The following ZYX variants were observed in gnomAD, a reference collection of about 807,000 sequenced individuals.
ZYX encodes zyxin.
Under a neutral mutation model 58.1 loss-of-function variants are expected in ZYX, and 37 were observed. That is an observed-to-expected ratio of 0.64 (90% CI 0.49 to 0.84). ZYX has a LOEUF of 0.84. Among genes scored for constraint, ZYX ranks in the 40% least tolerant of loss-of-function variants. ZYX has a pLI of 0.00. For missense variants in ZYX, 762 were observed against 761.6 expected (o/e 1.00, Z -0.01); for synonymous variants, 324 against 321.1 (o/e 1.01, Z -0.10).
intron 5 of ZYX, among the ~76,000 whole-genome samples, chr7:143,385,660 CTTTT>C (rs59995035): frequency 1.1e-3 from 75 of 68,966 alleles, no homozygotes; most frequent in South Asian, 4.8e-3. Context: ...TGTGGTATAT[CTTTT>C]TTTTTTTTTT....
rs893131344 is a variant in ZYX at position 143,387,803 on chromosome 7, C to T, written c.1024-416C>T. ...GGCAGGCCGGGTAGGTGTGTGTGCGCGTGTGTGCACGCCATTGCGTGCCCC... is the reference window on the plus strand; with the variant it reads ...GGCAGGCCGGGTAGGTGTGTGTGCGTGTGTGTGCACGCCATTGCGTGCCCC... On this transcript the variant is annotated intron_variant, in intron 5 of 9. Transcript: ENST00000322764. This position sits in a 1 kb window ranked among gnomAD's most constrained non-coding sequence, Gnocchi z 5.8. 1.7e-5 allele frequency: 8 copies of T among 474,508 alleles called. No individual in the cohort carries two copies. Among genetic ancestry groups the T allele is most frequent in the Admixed American group, 2.3e-5 (1 of 42,638 alleles). The allele number at this position is 474,508 out of a possible 1,614,324, so 29.4% of individuals were successfully genotyped here.
chr7:143,382,756 G>A (rs2116560886), intron 4 of ZYX, 45 bp from the exon 5 acceptor site: 1 of 1,613,082 alleles, frequency 6.2e-7, no homozygotes, highest in Non-Finnish European at 8.5e-7. Context: ...AAGGAGGATG[G>A]TGTCCTCCTG....
At chr7:143,385,275 A>G (rs1428734473) in intron 5 of ZYX, among the ~76,000 whole-genome samples, 2 of 151,960 alleles carry the variant, frequency 1.3e-5, no homozygotes, top group Admixed American at 6.6e-5. Flanking sequence ...CTGCTGGTGT[A>G]GCCTGGTCTT....
chr7:143,386,781 T>A (rs4556013), intron 5 of ZYX, among the ~76,000 whole-genome samples: 22,230 of 151,986 alleles, frequency 0.15, 1,958 homozygotes, highest in East Asian at 0.27. Context: ...GAGAGGCAGA[T>A]AATGGCTGGC....
rs770038397 is a variant in ZYX at position 143,382,600 on chromosome 7, A to C, written c.416A>C (p.Glu139Ala). 5 of 1,613,828 alleles carry C rather than the reference A, an allele frequency of 3.1e-6. No individual in the cohort carries two copies. The highest frequency in any genetic ancestry group is 4.2e-6 in the Non-Finnish European group (5 of 1,179,950). ...APIPPPPQPR[E>A]KVSSIDLEID... is the part of the protein sequence containing the mutation. Reference sequence around the variant, plus strand: ...TGACCTCTGACCCTCTAGCCCAGGGAGAAGGTGAGCAGTATTGATTTGGAG... The same window carrying C: ...TGACCTCTGACCCTCTAGCCCAGGGCGAAGGTGAGCAGTATTGATTTGGAG... Residue 139 changes from glutamate to alanine, a missense_variant, in exon 4 of 10, where the codon GAG becomes GCG. Glu to Ala is a moderately radical substitution (Grantham distance 107, BLOSUM62 -1). Transcript: ENST00000322764.
In ZYX at chr7:143,387,043, C is replaced by T. The variant is rs2116584855; in HGVS notation, c.1024-1176C>T. ...ACTGACTGAGCCCCTTCACTGTGTC[C>T]CCAAGAGGCCAGGAAGGGAAGATTG... On this transcript the variant is annotated intron_variant, in intron 5 of 9. Transcript: ENST00000322764. This position sits in a 1 kb window ranked among gnomAD's most constrained non-coding sequence, Gnocchi z 5.8. 6.6e-6 allele frequency among the ~76,000 whole-genome samples: 1 copy of T among 152,116 alleles called. No individual in the cohort carries two copies. The highest frequency in any genetic ancestry group is 2.1e-4 in the South Asian group (1 of 4,818).
In ZYX at chr7:143,388,350, C is replaced by T. The variant is rs1450760994; in HGVS notation, c.1144+11C>T. On this transcript the variant is annotated intron_variant, in intron 6 of 9. Coordinates refer to ENST00000322764, the MANE Select transcript of ZYX (RefSeq NM_003461.5). This position sits in a 1 kb window ranked among gnomAD's most constrained non-coding sequence, Gnocchi z 7.5. ...ATGTGGCTGTCAACGGTGAGCCCAC[C>T]CCACCGGGACACCCCCACCCTGCCC... The T allele has an allele frequency of 1.2e-6, 2 of 1,613,434 alleles. No homozygotes were observed. The highest frequency in any genetic ancestry group is 2.7e-5 in the African/African-American group (2 of 74,842).
At chr7:143,386,367 C>CT in intron 5 of ZYX, among the ~76,000 whole-genome samples, 1 of 152,068 alleles carries the variant, frequency 6.6e-6, no homozygotes, top group Non-Finnish European at 1.5e-5. Flanking sequence ...CTTCCATGTC[C>CT]TCAACCATGT....
intron 2 of ZYX, 163 bp from the exon 3 acceptor site, chr7:143,382,085 T>C (rs1586560669): frequency 3.1e-6 from 2 of 651,704 alleles, no homozygotes; most frequent in East Asian, 5.7e-5. Context: ...CGGCCTTTCC[T>C]GACCTGGTAC....
At chr7:143,382,134 C>A in intron 2 of ZYX, 114 bp from the exon 3 acceptor site, 1 of 913,906 alleles carries the variant, frequency 1.1e-6, no homozygotes, top group Non-Finnish European at 1.6e-6. Context: ...CTTCCCCACA[C>A]GCTCTGGGAC....
At position 143,382,377 on chromosome 7, in the gene ZYX, T is replaced by A; in HGVS notation, c.338T>A (p.Ile113Asn). 6.3e-7 allele frequency: 1 copy of A among 1,584,746 alleles called. No individual in the cohort carries two copies. The highest frequency in any genetic ancestry group is 8.6e-7 in the Non-Finnish European group (1 of 1,165,356). The change falls in exon 3 of 10, where the codon ATC becomes AAC. Residue 113 changes from isoleucine to asparagine, a missense_variant. By Grantham distance (149) the Ile-to-Asn change is moderately radical. Transcript: ENST00000322764. ...SFPPAPLEEE[I>N]FPSPPPPPEE... is the part of the protein sequence containing the mutation. ...CCCCCTGCGCCTCTGGAGGAGGAGA[T>A]CTTCCCTTCCCCGCCGCCTCCTCCG...
In ZYX at chr7:143,381,746, C is replaced by G. The variant is rs771207464; in HGVS notation, c.175C>G (p.Arg59Gly). ...CGGGGCCCAGCGCGCACAGATGGGCCGGGTGGGCGAGATTCCCCCGCCGCC... is the reference window on the plus strand; with the variant it reads ...CGGGGCCCAGCGCGCACAGATGGGCGGGGTGGGCGAGATTCCCCCGCCGCC... The part of the protein sequence containing the change: ...APGAQRAQMG[R>G]VGEIPPPPPE... Residue 59 changes from arginine (R) to glycine (G), a missense_variant, in exon 2 of 10, where the codon CGG becomes GGG. By Grantham distance (125) the Arg-to-Gly change is moderately radical (BLOSUM62 -2). Coordinates refer to ENST00000322764, the MANE Select transcript of ZYX (RefSeq NM_003461.5). The G allele has an allele frequency of 6.9e-6, 11 of 1,588,834 alleles. No homozygotes were observed. The highest frequency in any genetic ancestry group is 9.4e-6 in the Non-Finnish European group (11 of 1,167,786).
chr7:143,387,850 G>A lies in ZYX; in HGVS notation c.1024-369G>A. The A allele has an allele frequency of 2.1e-6, 1 of 486,158 alleles. No individual in the cohort carries two copies. The highest frequency in any genetic ancestry group is 4.2e-6 in the Non-Finnish European group (1 of 238,622). 30.1% of individuals were successfully genotyped at this position (486,158 alleles called of 1,614,324 possible). A position where few individuals can be genotyped will look rare whatever the true frequency, so the allele number is the denominator to read the frequency against. On this transcript the variant is annotated intron_variant, in intron 5 of 9. Coordinates refer to ENST00000322764, the MANE Select transcript of ZYX (RefSeq NM_003461.5). The surrounding 1 kb of genome is among the most constrained non-coding windows in gnomAD (Gnocchi z 5.8). ...CCCCTGTCCCATGGGGGCGATGTCC[G>A]AGCATGCTCTGTGGAGTTGATGCGT...
rs116781602 is a variant in ZYX, at chr7:143,384,973, T to C, written c.1023+1651T>C. Among the ~76,000 whole-genome samples the C allele has an allele frequency of 3.0e-3, 463 of 152,064 alleles. 3 individuals are homozygous for C. Among genetic ancestry groups the C allele is most frequent in the African/African-American group, 0.011 (436 of 41,466 alleles). ...GGGCCAGAGATGTCTAGCATGGTAG[T>C]GGGGCACAGTGACACTGTGACGCTG... On this transcript the variant is annotated intron_variant, in intron 5 of 9. Transcript: ENST00000322764. The surrounding 1 kb of genome is among the most constrained non-coding windows in gnomAD (Gnocchi z 4.9).
Position 143,388,987 on chromosome 7 carries a change from GGTCTGGT to G in ZYX, c.1493+43_1493+49del. The G allele has an allele frequency of 6.3e-7, 1 of 1,576,740 alleles. No individual in the cohort carries two copies. The highest frequency in any genetic ancestry group is 8.6e-7 in the Non-Finnish European group (1 of 1,161,480). ...TGCCTTCTGGGTTCCCGGCGTGCTT[GGTCTGGT>G]AGCCCGGCTGCTTGCTACCCTAGCC... On this transcript the variant is annotated intron_variant, in intron 8 of 9. Coordinates refer to ENST00000322764, the MANE Select transcript of ZYX (RefSeq NM_003461.5). The surrounding 1 kb of genome is among the most constrained non-coding windows in gnomAD (Gnocchi z 7.5).
At position 143,390,267 on chromosome 7, in the gene ZYX, A is replaced by T. The variant is rs1297258361; in HGVS notation, c.1614+290A>T. 12 of 542,166 alleles carry T rather than the reference A, an allele frequency of 2.2e-5. No homozygotes were observed. Among genetic ancestry groups the T allele is most frequent in the Non-Finnish European group, 4.0e-5 (12 of 301,276 alleles). The allele number at this position is 542,166 out of a possible 1,614,324, so 33.6% of individuals were successfully genotyped here. Reference sequence around the variant, plus strand: ...TTTTACCGTGGTAGGGGATGGGGAAACAGGAGCTGAGAGAAGAGGTCTTCG... The same window carrying T: ...TTTTACCGTGGTAGGGGATGGGGAATCAGGAGCTGAGAGAAGAGGTCTTCG... On this transcript the variant is annotated intron_variant, in intron 9 of 9. Transcript: ENST00000322764. This position sits in a 1 kb window ranked among gnomAD's most constrained non-coding sequence, Gnocchi z 4.3.
intron 5 of ZYX, among the ~76,000 whole-genome samples, chr7:143,385,432 T>TGTATGAG (rs565266771): frequency 1.2e-3 from 187 of 151,782 alleles, no homozygotes; most frequent in African/African-American, 4.3e-3. Context: ...TGAGCATGAA[T>TGTATGAG]GTATGAGTGG....
rs755019600 is a variant in ZYX at position 143,388,759 on chromosome 7, C to T, written c.1315-8C>T. On this transcript the variant is annotated splice_polypyrimidine_tract_variant and splice_region_variant and intron_variant, in intron 7 of 9. Transcript: ENST00000322764. The surrounding 1 kb of genome is among the most constrained non-coding windows in gnomAD (Gnocchi z 7.5). The stretch of plus-strand genomic sequence containing the variant: ...TTCCCTGCCAACCTCCTCCTGCTGC[C>T]TCCTCAGGACACCCTGGAGAAGTGT... 7.4e-6 allele frequency: 12 copies of T among 1,612,218 alleles called. No homozygotes were observed. Among genetic ancestry groups the T allele is most frequent in the Non-Finnish European group, 1.0e-5 (12 of 1,178,822 alleles).
Position 143,384,074 on chromosome 7 carries a change from G to T in ZYX, c.1023+752G>T. The T allele has an allele frequency of 2.3e-6, 1 of 428,480 alleles. No homozygotes were observed. The highest frequency in any genetic ancestry group is 2.7e-5 in the Admixed American group (1 of 36,438). 26.5% of individuals were successfully genotyped at this position (428,480 alleles called of 1,614,324 possible). A position where few individuals can be genotyped will look rare whatever the true frequency, so the allele number is the denominator to read the frequency against. On this transcript the variant is annotated intron_variant, in intron 5 of 9. Coordinates refer to ENST00000322764, the MANE Select transcript of ZYX (RefSeq NM_003461.5). The surrounding 1 kb of genome is among the most constrained non-coding windows in gnomAD (Gnocchi z 4.9). ...AATAGAAAAGCTGTAATTACAAAAT[G>T]GTTCTTGCCTTCTAGTTCAGGAAAT...
Sources: gnomAD v4.1 joint callset for allele counts (sites outside exome capture counted in the v4.1 genomes callset) on GRCh38, gnomAD v4.1.1 for gene constraint, Gnocchi (gnomAD v3.1) non-coding constraint, MANE v1.5 for transcripts, NCBI Gene and HGNC (gene_info 2026-07-23, HGNC 2026-07-21) for gene names.